Variants in DTWD2 observed in about 807,000 individuals in gnomAD.
DTWD2 encodes the protein DTW motif tRNA-uridine aminocarboxypropyltransferase 2.
A neutral mutation model predicts 31.8 loss-of-function variants in DTWD2; 39 were observed. That is an observed-to-expected ratio of 1.22 (90% confidence interval 0.95 to 1.60). The LOEUF (loss-of-function observed/expected upper bound fraction) is 1.60, where lower values mean the gene tolerates loss of function less well. Ranked by LOEUF, DTWD2 falls within the 40% of genes most tolerant of loss-of-function variation. The pLI is 0.00. For missense variants in DTWD2, 515 were observed against 381.5 expected (o/e 1.35, Z -2.92); for synonymous variants, 180 against 142.8 (o/e 1.26, Z -1.86).
chr5:118,946,552 G>C (rs536374107), intron 1 of DTWD2, among the ~76,000 whole-genome samples: 1 of 152,160 alleles, frequency 6.6e-6, no homozygotes, highest in South Asian at 2.1e-4. Context: ...TACATCATAG[G>C]ACAGAAGAAC....
In DTWD2 at chr5:118,943,562, A is replaced by AG. The variant is rs539013544; in HGVS notation, c.309+996_309+997insC. Among the ~76,000 whole-genome samples, 65 of 152,168 alleles carry AG rather than the reference A, an allele frequency of 4.3e-4. 1 individual carries two copies. The East Asian group carries it at 0.012, about 29-fold the overall frequency. On this transcript the variant is annotated intron_variant, in intron 2 of 5. Coordinates refer to ENST00000510708, the MANE Select transcript of DTWD2 (RefSeq NM_173666.4). ...CAAGACTCCGTCTCAAAAAAAAAAA[A>AG]AAAAGGCTGAGAAAAAGGTTGTCCA...
At chr5:118,987,793 GATTTT>G (rs1755461171) in intron 1 of DTWD2, among the ~76,000 whole-genome samples, 1 of 152,168 alleles carries the variant, frequency 6.6e-6, no homozygotes, top group Non-Finnish European at 1.5e-5. Context: ...CATGAAAACT[GATTTT>G]ATAAATTACC....
intron 3 of DTWD2, among the ~76,000 whole-genome samples, chr5:118,931,479 T>A (rs75805462): frequency 0.021 from 3,136 of 150,476 alleles, 47 homozygotes; most frequent in Non-Finnish European, 0.033. Flanking sequence ...AGAAGGAAAC[T>A]TATGAGGATG....
At chr5:118,902,150 A>T (rs1279835248) in intron 4 of DTWD2, among the ~76,000 whole-genome samples, 1 of 152,198 alleles carries the variant, frequency 6.6e-6, no homozygotes, top group Non-Finnish European at 1.5e-5. Flanking sequence ...AAGTTATGAA[A>T]ATATAATTAT....
rs115402631 is a variant in DTWD2, at chr5:118,868,924, C to T, written c.598-20706G>A. On this transcript the variant is annotated intron_variant, in intron 4 of 5. Coordinates refer to ENST00000510708, the MANE Select transcript of DTWD2 (RefSeq NM_173666.4). Reference sequence around the variant, plus strand: ...GCATGGAAAATCTTGGAGAACATTACGCTAAGCAAAATAAGCTAGTCACAA... The same window carrying T: ...GCATGGAAAATCTTGGAGAACATTATGCTAAGCAAAATAAGCTAGTCACAA... Among the ~76,000 whole-genome samples, 352 of 150,332 alleles carry T rather than the reference C, an allele frequency of 2.3e-3. 3 individuals carry two copies. The highest frequency in any genetic ancestry group is 8.4e-3 in the African/African-American group (343 of 40,834).
At chr5:118,912,690 C>G (rs868388375) in intron 4 of DTWD2, among the ~76,000 whole-genome samples, 1 of 152,208 alleles carries the variant, frequency 6.6e-6, no homozygotes, top group Non-Finnish European at 1.5e-5. Context: ...CCATCTCAGT[C>G]CCCTGCTGCT....
At chr5:118,935,986 T>C (rs907578021) in intron 3 of DTWD2, among the ~76,000 whole-genome samples, 1 of 152,128 alleles carries the variant, frequency 6.6e-6, no homozygotes, top group Non-Finnish European at 1.5e-5. Flanking sequence ...ACAGATCACA[T>C]GCCAGAACAC....
chr5:118,837,744 T>A lies in DTWD2; in HGVS notation c.*3173A>T, dbSNP rs1312805472. 6.6e-6 allele frequency: 1 copy of A among 151,814 alleles called. No homozygotes were observed. Among genetic ancestry groups the A allele is most frequent in the African/African-American group, 2.4e-5 (1 of 41,386 alleles). 9.4% of individuals were successfully genotyped at this position (151,814 alleles called of 1,614,324 possible). ...AGCAAGACCCCCATCTCCACAAAAA[T>A]TAAATGAAATTAGTAAAATTTAAAA... On this transcript the variant is annotated 3_prime_UTR_variant, in exon 6 of 6. Transcript: ENST00000510708.
At chr5:118,885,249 C>T (rs1019448508) in intron 4 of DTWD2, among the ~76,000 whole-genome samples, 27 of 151,268 alleles carry the variant, frequency 1.8e-4, no homozygotes, top group Non-Finnish European at 3.2e-4. Context: ...GTCAAGAGAT[C>T]GAGACCATCC....
intron 4 of DTWD2, among the ~76,000 whole-genome samples, chr5:118,875,114 T>C (rs535616099): frequency 6.6e-6 from 1 of 152,180 alleles, no homozygotes; most frequent in East Asian, 1.9e-4. Flanking sequence ...CAAACTAAGA[T>C]TCATACGGAG....
intron 3 of DTWD2, among the ~76,000 whole-genome samples, chr5:118,938,194 C>A (rs1219464306): frequency 6.6e-6 from 1 of 151,798 alleles, no homozygotes. Flanking sequence ...CTAAAGGTAT[C>A]AGTTATTGCA....
intron 1 of DTWD2, among the ~76,000 whole-genome samples, chr5:118,949,542 A>G (rs1754412401): frequency 6.6e-6 from 1 of 152,186 alleles, no homozygotes; most frequent in Non-Finnish European, 1.5e-5. Context: ...AAATGGGAGA[A>G]TTGTAAGGAG....
rs183744296 is a variant in DTWD2 at position 118,885,776 on chromosome 5, A to C, written c.598-37558T>G. On this transcript the variant is annotated intron_variant, in intron 4 of 5. Transcript: ENST00000510708. ...AGTGAAACTCTGTATTTAAAAAAAAAAATAAAAATAATAAAAAATAAATAT... is the reference window on the plus strand; with the variant it reads ...AGTGAAACTCTGTATTTAAAAAAAACAATAAAAATAATAAAAAATAAATAT... 5.3e-5 allele frequency among the ~76,000 whole-genome samples: 8 copies of C among 151,250 alleles called. No homozygotes were observed. The East Asian group carries it at 1.5e-3, about 29-fold the overall frequency.
At position 118,840,869 on chromosome 5, in the gene DTWD2, G is replaced by A. The variant is rs1272161358; in HGVS notation, c.*48C>T. ...CTTAACTATATGAAAACTTAATTTG[G>A]TATTGTTAGATGAAGACAGTTAAGC... On this transcript the variant is annotated 3_prime_UTR_variant, in exon 6 of 6. Coordinates refer to ENST00000510708, the MANE Select transcript of DTWD2 (RefSeq NM_173666.4). 3.2e-6 allele frequency: 5 copies of A among 1,569,214 alleles called. No homozygotes were observed. The highest frequency in any genetic ancestry group is 4.3e-6 in the Non-Finnish European group (5 of 1,158,948).
chr5:118,885,202 C>A (rs1752834202), intron 4 of DTWD2, among the ~76,000 whole-genome samples: 1 of 151,170 alleles, frequency 6.6e-6, no homozygotes, highest in Non-Finnish European at 1.5e-5. Context: ...GCCTGTAATC[C>A]CAACATTTTG....
rs770032727 is a variant in DTWD2, at chr5:118,939,215, G to A, written c.385C>T (p.Arg129Cys). Residue 129 changes from arginine to cysteine, a missense_variant, in exon 3 of 6, where the codon CGT (arginine) becomes TGT (cysteine). Coordinates refer to ENST00000510708, the MANE Select transcript of DTWD2 (RefSeq NM_173666.4). ...PQDKCKVKIG[R>C]RFSEERDPEL... is the part of the protein sequence containing the mutation. ...ATTTACCTTTCTTCACTGAAGCGAC[G>A]ACCGATCTTCACTTTACACTTGTCC... 12 of 1,604,184 alleles carry A rather than the reference G, an allele frequency of 7.5e-6. No homozygotes were observed. The highest frequency in any genetic ancestry group is 1.1e-5 in the South Asian group (1 of 89,726).
At chr5:118,870,630 G>A (rs139512068) in intron 4 of DTWD2, among the ~76,000 whole-genome samples, 77 of 152,294 alleles carry the variant, frequency 5.1e-4, no homozygotes, top group African/African-American at 1.7e-3. Context: ...AGCCTTCAGT[G>A]AGTCATCCTC....
chr5:118,884,083 A>C (rs940413469), intron 4 of DTWD2, among the ~76,000 whole-genome samples: 1 of 152,214 alleles, frequency 6.6e-6, no homozygotes, highest in Non-Finnish European at 1.5e-5. Flanking sequence ...AAACATGAAG[A>C]CTATGATGAA....
At chr5:118,960,039 A>G (rs745852572) in intron 1 of DTWD2, among the ~76,000 whole-genome samples, 26 of 152,218 alleles carry the variant, frequency 1.7e-4, no homozygotes, top group Non-Finnish European at 2.6e-4. Context: ...ACTGGCAAAG[A>G]ATTTATGATG....
Sources: gnomAD v4.1 joint callset for allele counts (sites outside exome capture counted in the v4.1 genomes callset) on GRCh38, gnomAD v4.1.1 for gene constraint, MANE v1.5 for transcripts, NCBI Gene and HGNC (gene_info 2026-07-23, HGNC 2026-07-21) for gene names.